The following FHIT variants were observed in gnomAD, a reference collection of about 807,000 sequenced individuals.
The protein encoded by FHIT is bis(5'-adenosyl)-triphosphatase.
Under a neutral mutation model 17.9 loss-of-function variants are expected in FHIT, and 19 were observed. The ratio of observed to expected loss-of-function variants is 1.06; its 90% CI spans 0.74 to 1.56. FHIT has a LOEUF of 1.56. Among genes scored for constraint, FHIT ranks in the 40% most tolerant of loss-of-function variants. FHIT has a pLI of 0.00. For missense variants in FHIT, 248 were observed against 189.2 expected (o/e 1.31, Z -1.82); for synonymous variants, 81 against 69.7 (o/e 1.16, Z -0.81).
At chr3:60,083,057 A>T (rs1486348614) in intron 5 of FHIT, among the ~76,000 whole-genome samples, 15 of 152,146 alleles carry the variant, frequency 9.9e-5, no homozygotes, top group Non-Finnish European at 2.2e-4. Flanking sequence ...GTCCAGAAAG[A>T]CATTTCCTAA....
rs149731852 is a variant in FHIT, at chr3:60,753,095, G to C, written c.-18+68824C>G. On this transcript the variant is annotated intron_variant, in intron 4 of 9. Coordinates refer to ENST00000492590, the MANE Select transcript of FHIT (RefSeq NM_002012.4). ...GAACAAATTCAGACATAAACTCTGG[G>C]ACAGTTCTTGAATATTGCATGAAGG... Among the ~76,000 whole-genome samples the C allele has an allele frequency of 6.0e-4, 91 of 152,270 alleles. 1 individual carries two copies. The highest frequency in any genetic ancestry group is 2.1e-3 in the African/African-American group (89 of 41,550).
intron 8 of FHIT, among the ~76,000 whole-genome samples, chr3:59,878,196 A>C (rs1265459749): frequency 6.6e-6 from 1 of 152,140 alleles, no homozygotes; most frequent in East Asian, 1.9e-4. Flanking sequence ...GTTGCATTTC[A>C]CTGCAGTTAT....
intron 5 of FHIT, among the ~76,000 whole-genome samples, chr3:60,051,343 T>TTTTG (rs1382467458): frequency 6.7e-6 from 1 of 148,240 alleles, no homozygotes; most frequent in African/African-American, 2.5e-5. Flanking sequence ...TTTTTTTTTT[T>TTTTG]GTAACAGCAG....
intron 4 of FHIT, among the ~76,000 whole-genome samples, chr3:60,567,014 C>T (rs370873462): frequency 2.0e-4 from 29 of 148,522 alleles, no homozygotes; most frequent in South Asian, 6.7e-4. Context: ...GAATCAATAT[C>T]GTGAAAATGG....
At chr3:60,508,505 T>A (rs144624593) in intron 5 of FHIT, among the ~76,000 whole-genome samples, 49 of 152,332 alleles carry the variant, frequency 3.2e-4, no homozygotes, top group African/African-American at 1.1e-3. Flanking sequence ...AACTTGTGAA[T>A]CTTAGGAAAA....
At chr3:60,494,101 A>C (rs193233285) in intron 5 of FHIT, among the ~76,000 whole-genome samples, 1 of 152,320 alleles carries the variant, frequency 6.6e-6, no homozygotes, top group Non-Finnish European at 1.5e-5. Flanking sequence ...TGTAAAATTC[A>C]GTGGCATTTT....
chr3:61,242,757 A>T (rs2040402909), intron 1 of FHIT, among the ~76,000 whole-genome samples: 1 of 152,176 alleles, frequency 6.6e-6, no homozygotes. Flanking sequence ...ATTGGAGATG[A>T]AATCACAGGG....
chr3:61,061,913 C>A (rs545175328), intron 2 of FHIT, among the ~76,000 whole-genome samples: 1 of 152,288 alleles, frequency 6.6e-6, no homozygotes, highest in African/African-American at 2.4e-5. Flanking sequence ...TTGGCATGTA[C>A]ATTTTTGCAT....
intron 5 of FHIT, among the ~76,000 whole-genome samples, chr3:60,416,290 C>T (rs1433846156): frequency 6.6e-6 from 1 of 152,048 alleles, no homozygotes; most frequent in African/African-American, 2.4e-5. Context: ...TAAATTGATA[C>T]AACCAATAAA....
chr3:60,000,174 C>T (rs573211489), intron 7 of FHIT, among the ~76,000 whole-genome samples: 3 of 152,116 alleles, frequency 2.0e-5, no homozygotes, highest in Non-Finnish European at 2.9e-5. Flanking sequence ...GATGGGACTC[C>T]GATCCTTTAG....
At chr3:60,276,520 A>G (rs1707145281) in intron 5 of FHIT, among the ~76,000 whole-genome samples, 1 of 152,160 alleles carries the variant, frequency 6.6e-6, no homozygotes, top group Admixed American at 6.6e-5. Context: ...GCCAATGGAG[A>G]TGCCTCAATA....
At chr3:60,525,414 C>T (rs1179428900) in intron 5 of FHIT, among the ~76,000 whole-genome samples, 3 of 152,174 alleles carry the variant, frequency 2.0e-5, no homozygotes, top group African/African-American at 7.2e-5. Context: ...GGATCACACC[C>T]TACCTAATGT....
At chr3:60,333,505 A>C (rs995439903) in intron 5 of FHIT, among the ~76,000 whole-genome samples, 4 of 152,150 alleles carry the variant, frequency 2.6e-5, no homozygotes, top group Admixed American at 6.5e-5. Flanking sequence ...AAACCAATTG[A>C]ACTTTTAAAA....
chr3:60,738,490 G>A (rs2042177501), intron 4 of FHIT, among the ~76,000 whole-genome samples: 1 of 152,182 alleles, frequency 6.6e-6, no homozygotes, highest in South Asian at 2.1e-4. Flanking sequence ...ACCAAGCACA[G>A]GCTCAGAGTC....
chr3:61,020,584 C>T (rs986876224), intron 3 of FHIT, among the ~76,000 whole-genome samples: 2 of 152,042 alleles, frequency 1.3e-5, no homozygotes, highest in African/African-American at 4.8e-5. Context: ...TTATAAAGAC[C>T]ATCAACACTA....
chr3:59,915,028 T>C (rs1322402837), intron 8 of FHIT, among the ~76,000 whole-genome samples: 2 of 152,188 alleles, frequency 1.3e-5, no homozygotes, highest in African/African-American at 4.8e-5. Flanking sequence ...CAGCCCATTA[T>C]TCAAGCACTG....
intron 4 of FHIT, among the ~76,000 whole-genome samples, chr3:60,645,875 C>T (rs1284656170): frequency 6.6e-6 from 1 of 152,222 alleles, no homozygotes; most frequent in African/African-American, 2.4e-5. Context: ...AATGACTTCA[C>T]AACCAAAAGC....
At chr3:60,039,192 T>C (rs1701340139) in intron 5 of FHIT, among the ~76,000 whole-genome samples, 4 of 152,288 alleles carry the variant, frequency 2.6e-5, no homozygotes, top group Middle Eastern at 3.4e-3. Context: ...TTATCATATA[T>C]TGCCTTGAGG....
At chr3:59,863,185 C>A (rs1353759120) in intron 8 of FHIT, among the ~76,000 whole-genome samples, 1 of 152,122 alleles carries the variant, frequency 6.6e-6, no homozygotes, top group Non-Finnish European at 1.5e-5. Context: ...ATGCAGTTAC[C>A]CACTCCCTCT....
Sources: allele counts gnomAD v4.1 joint callset (sites outside exome capture counted in the v4.1 genomes callset), GRCh38; gene constraint gnomAD v4.1.1; transcripts MANE v1.5; gene names NCBI Gene and HGNC (gene_info 2026-07-23, HGNC 2026-07-21).